The following JAG2 variants were observed in gnomAD, a reference collection of about 807,000 sequenced individuals.
The protein encoded by JAG2 is jagged canonical Notch ligand 2, also known as protein jagged-2.
A neutral mutation model predicts 141.7 loss-of-function variants in JAG2; 46 were observed. That is an observed-to-expected ratio of 0.32 (90% confidence interval 0.26 to 0.42). The LOEUF is 0.42. Ranked by LOEUF, JAG2 falls within the 10% of genes least tolerant of loss-of-function variation. The probability of loss-of-function intolerance (pLI) is 1.00; values close to 1 mark genes in which losing one functional copy is unlikely to be tolerated. For missense variants in JAG2, 1,500 were observed against 1,817.5 expected (o/e 0.83, Z 3.18); for synonymous variants, 862 against 763.5 (o/e 1.13, Z -2.13).
At chr14:105,164,510 T>C (rs1219035665) in intron 2 of JAG2, among the ~76,000 whole-genome samples, 1 of 151,846 alleles carries the variant, frequency 6.6e-6, no homozygotes, top group Admixed American at 6.6e-5. Flanking sequence ...GAAGGTAGGG[T>C]GGGGAGGCCA....
intron 20 of JAG2, 46 bp downstream of exon 20, chr14:105,147,280 G>A (rs749680025): frequency 1.6e-5 from 23 of 1,469,660 alleles, no homozygotes; most frequent in East Asian, 4.9e-5. Context: ...CTGACACCGC[G>A]GCTGGGCTGA....
At chr14:105,148,524 C>A in intron 15 of JAG2, 85 bp from the exon 16 acceptor site, 1 of 1,055,668 alleles carries the variant, frequency 9.5e-7, no homozygotes, top group Non-Finnish European at 1.4e-6. Flanking sequence ...TGGAGCTGGG[C>A]CAGGTGAGGA....
intron 24 of JAG2, among the ~76,000 whole-genome samples, chr14:105,144,151 G>A (rs587773859): frequency 6.6e-6 from 1 of 152,024 alleles, no homozygotes; most frequent in Non-Finnish European, 1.5e-5. Flanking sequence ...ATCCCTTCTT[G>A]TCAGTTCCCA....
Position 105,145,010 on chromosome 14 carries a change from T to C in JAG2, c.3004A>G (p.Arg1002Gly), listed in dbSNP as rs1888180630. ...CSGIRSLPAT[R>G]AVARDRLLVL... ...AGCAGGCGGTCCCGTGCCACAGCCC[T>C]TGTGGCTGGCAGGGAGCGGATCCCG... Residue 1002 changes from arginine (R) to glycine (G), a missense_variant, in exon 24 of 26, where the codon AGG (arginine) becomes GGG (glycine). Physicochemically the swap from Arg to Gly is moderately radical, Grantham distance 125. Transcript: ENST00000331782. 3 of 1,609,818 alleles carry C rather than the reference T, an allele frequency of 1.9e-6. No individual in the cohort carries two copies. Among genetic ancestry groups the C allele is most frequent in the African/African-American group, 1.3e-5 (1 of 74,912 alleles).
At chr14:105,166,500 C>T (rs932492969) in intron 2 of JAG2, among the ~76,000 whole-genome samples, 3 of 152,246 alleles carry the variant, frequency 2.0e-5, no homozygotes, top group Admixed American at 6.5e-5. Flanking sequence ...ACTTTCCCCT[C>T]TCTGGGGCCC....
At position 105,148,928 on chromosome 14, in the gene JAG2, G is replaced by A; in HGVS notation, c.1906+9C>T. Reference sequence around the variant, plus strand: ...CCCCACCACCAGCCCGCCGTTCGTGGCCACTCACTCTCATGGCAGTAGGTG... The same window carrying A: ...CCCCACCACCAGCCCGCCGTTCGTGACCACTCACTCTCATGGCAGTAGGTG... On this transcript the variant is annotated intron_variant, in intron 14 of 25. Transcript: ENST00000331782. The A allele has an allele frequency of 6.2e-7, 1 of 1,603,530 alleles. No individual in the cohort carries two copies. Among genetic ancestry groups the A allele is most frequent in the Non-Finnish European group, 8.5e-7 (1 of 1,175,824 alleles).
chr14:105,157,695 G>A lies in JAG2; in HGVS notation c.475+11C>T. On this transcript the variant is annotated intron_variant, in intron 3 of 25. Coordinates refer to ENST00000331782, the MANE Select transcript of JAG2 (RefSeq NM_002226.5). ...TGAGAGGAGCTGCCACCTGGCCCAG[G>A]GCTCACTCACCATTCGGGGTGGTAT... 6.4e-7 allele frequency: 1 copy of A among 1,556,374 alleles called. No homozygotes were observed. Among genetic ancestry groups the A allele is most frequent in the Non-Finnish European group, 8.7e-7 (1 of 1,151,288 alleles).
chr14:105,157,663 C>A (rs779169608), intron 3 of JAG2, 43 bp downstream of exon 3: 2 of 1,530,444 alleles, frequency 1.3e-6, no homozygotes, highest in Non-Finnish European at 1.8e-6. Flanking sequence ...CACAGGCACG[C>A]TGAAGCTGAG....
At chr14:105,143,458 C>A (rs587705721) in intron 25 of JAG2, 24 bp downstream of exon 25, 1 of 1,542,116 alleles carries the variant, frequency 6.5e-7, no homozygotes, top group African/African-American at 1.4e-5. Context: ...GGTGCCTTCC[C>A]AGGGGCCCAC....
At chr14:105,144,633 G>C (rs751915575) in intron 24 of JAG2, among the ~76,000 whole-genome samples, 9 of 152,216 alleles carry the variant, frequency 5.9e-5, no homozygotes, top group Non-Finnish European at 1.0e-4. Flanking sequence ...GGACTCTCCT[G>C]CTGCCTGTGA....
intron 18 of JAG2, 119 bp from the exon 19 acceptor site, chr14:105,147,646 G>A (rs1888268174): frequency 8.5e-7 from 1 of 1,174,222 alleles, no homozygotes; most frequent in Non-Finnish European, 1.2e-6. Flanking sequence ...CAAGGAGGGT[G>A]CCTTTTGCTG....
In JAG2 at chr14:105,150,676, G is replaced by C. The variant is rs587637814; in HGVS notation, c.1530C>G (p.Gly510=). ...DECASSPCHS[G]GLCEDLADGF... ...CGTCGGCCAGGTCCTCGCAGAGGCC[G>C]CCGCTGTGGCAGGGGCTGCTGGCAC... Residue 510 remains glycine, a synonymous_variant, in exon 12 of 26, where the codon GGC becomes GGG. Transcript: ENST00000331782. 1 of 1,551,496 alleles carries C rather than the reference G, an allele frequency of 6.4e-7. No individual in the cohort carries two copies. Among genetic ancestry groups the C allele is most frequent in the South Asian group, 1.2e-5 (1 of 84,210 alleles).
intron 2 of JAG2, among the ~76,000 whole-genome samples, chr14:105,163,469 G>A (rs1888817526): frequency 1.3e-5 from 2 of 152,224 alleles, no homozygotes; most frequent in East Asian, 3.9e-4. Context: ...GGGCCGGCTA[G>A]CACCTGCCAC....
intron 2 of JAG2, among the ~76,000 whole-genome samples, chr14:105,165,884 C>T (rs903042947): frequency 6.6e-6 from 1 of 152,264 alleles, no homozygotes; most frequent in African/African-American, 2.4e-5. Flanking sequence ...CCAAGTACAC[C>T]TCAGCTCACC....
chr14:105,158,107 C>G (rs985910959), intron 2 of JAG2, among the ~76,000 whole-genome samples: 4 of 152,154 alleles, frequency 2.6e-5, no homozygotes, highest in African/African-American at 4.8e-5. Context: ...AAAGGGCAGC[C>G]TGGCTGGAGT....
intron 5 of JAG2, among the ~76,000 whole-genome samples, chr14:105,153,113 A>G (rs1185055698): frequency 6.6e-6 from 1 of 152,026 alleles, no homozygotes; most frequent in Non-Finnish European, 1.5e-5. Context: ...CCCTTCCTAG[A>G]ACTCTCCGGT....
Position 105,146,489 on chromosome 14 carries a change from C to A in JAG2, c.2605G>T (p.Gly869Trp), listed in dbSNP as rs138786039. The A allele has an allele frequency of 1.6e-5, 25 of 1,612,584 alleles. No individual in the cohort carries two copies. The African/African-American group carries it at 2.8e-4, about 18-fold the overall frequency. The change falls in exon 22 of 26, where the codon GGG becomes TGG. Residue 869 changes from glycine (G) to tryptophan (W), a missense_variant. Physicochemically the swap from Gly to Trp is radical, Grantham distance 184 (BLOSUM62 -2). Transcript: ENST00000331782. ...GTGCCCCGGGACCAGCAGGATCTCC[C>A]GAACCCGATCACTGTGGGGAGAAGG... is the stretch of plus-strand genomic sequence containing the variant. Reference protein sequence around the residue: ...GPRCQEVIGFGRSCWSRGTPF... With the variant: ...GPRCQEVIGFWRSCWSRGTPF...
chr14:105,163,875 CCTGGGGTCTGGGGATAGCGACTGTGG>C lies in JAG2; in HGVS notation c.417+3856_417+3881del, dbSNP rs1365980821. Among the ~76,000 whole-genome samples the C allele has an allele frequency of 5.3e-5, 8 of 152,178 alleles. No homozygotes were observed. The East Asian group carries it at 1.6e-3, about 29-fold the overall frequency. On this transcript the variant is annotated intron_variant, in intron 2 of 25. Transcript: ENST00000331782. The stretch of plus-strand genomic sequence containing the variant: ...TCTGGGGACAGGGACCCCGCTCAGG[CCTGGGGTCTGGGGATAGCGACTGTGG>C]CTGGGGCCTGGGATTGCAGATCCTT...
intron 5 of JAG2, 41 bp from the exon 6 acceptor site, chr14:105,152,332 G>A (rs1309636249): frequency 3.7e-6 from 6 of 1,603,420 alleles, no homozygotes; most frequent in Non-Finnish European, 5.1e-6. Context: ...GTGAGCTGTG[G>A]TGCCTGAAAG....
Sources: gnomAD v4.1 joint callset for allele counts (sites outside exome capture counted in the v4.1 genomes callset) on GRCh38, gnomAD v4.1.1 for gene constraint, MANE v1.5 for transcripts, NCBI Gene and HGNC (gene_info 2026-07-23, HGNC 2026-07-21) for gene names.